Variants in DMD observed in about 807,000 individuals in gnomAD.
The protein encoded by DMD is mutant dystrophin.
DMD carries 63 observed loss-of-function variants against 330.1 expected under a neutral mutation model. The ratio of observed to expected loss-of-function variants is 0.19; its 90% CI spans 0.16 to 0.24. The LOEUF is 0.24. DMD is among the 10% of genes least tolerant of loss of function. DMD has a pLI of 1.00. For missense variants in DMD, 3,344 were observed against 2,684.1 expected (o/e 1.25, Z -5.43); for synonymous variants, 1,223 against 959.8 (o/e 1.27, Z -5.07).
At chrX:31,483,341 C>G (rs762102980) in intron 57 of DMD, among the ~76,000 whole-genome samples, 1 of 111,539 alleles carries the variant, frequency 9.0e-6, no homozygotes, top group Non-Finnish European at 1.9e-5. Context: ...CCACCACGCC[C>G]GGCCGGAAAT....
chrX:32,722,673 C>T (rs1416371517), intron 7 of DMD, among the ~76,000 whole-genome samples: 2 of 110,890 alleles, frequency 1.8e-5, no homozygotes, highest in Admixed American at 1.9e-4. Flanking sequence ...TCACTTTCTT[C>T]TTTAAATTGG....
intron 37 of DMD, among the ~76,000 whole-genome samples, chrX:32,361,456 G>GGA (rs1172845098): frequency 9.0e-6 from 1 of 111,336 alleles, no homozygotes; most frequent in Admixed American, 9.6e-5. Context: ...CTCTATGTAT[G>GGA]GAGAGAGAGA....
In DMD at chrX:32,508,841, C is replaced by G. The variant is rs954655285; in HGVS notation, c.2293-6999G>C. Among the ~76,000 whole-genome samples the G allele has an allele frequency of 1.9e-4, 21 of 109,906 alleles. No homozygotes were observed. In the Admixed American group the frequency reaches 2.0e-3, roughly 11 times the overall value. ...TTTTTTTCTTTTTGAGACGGAGTCTCGCTCTGTCGCCCAGGCTGGAGTGCA... is the reference window on the plus strand; with the variant it reads ...TTTTTTTCTTTTTGAGACGGAGTCTGGCTCTGTCGCCCAGGCTGGAGTGCA... On this transcript the variant is annotated intron_variant, in intron 18 of 78. Transcript: ENST00000357033.
At chrX:33,116,609 A>G (rs1603303320) in intron 1 of DMD, among the ~76,000 whole-genome samples, 2 of 112,148 alleles carry the variant, frequency 1.8e-5, no homozygotes, top group Middle Eastern at 9.2e-3. Context: ...TCCACAGGAA[A>G]TAATTAGCAA....
At chrX:32,131,945 A>G (rs2096697427) in intron 44 of DMD, among the ~76,000 whole-genome samples, 1 of 111,687 alleles carries the variant, frequency 9.0e-6, no homozygotes, top group Admixed American at 9.5e-5. Context: ...CATATCTGTC[A>G]TATCAACCTC....
intron 2 of DMD, among the ~76,000 whole-genome samples, chrX:32,891,201 C>T (rs2085166279): frequency 8.9e-6 from 1 of 111,903 alleles, no homozygotes; most frequent in South Asian, 3.8e-4. Context: ...GTTACTTCTT[C>T]CACATCTGAG....
chrX:32,432,250 G>A lies in DMD; in HGVS notation c.4071+5991C>T, dbSNP rs912344432. Among the ~76,000 whole-genome samples the A allele has an allele frequency of 9.9e-5, 11 of 111,442 alleles. No homozygotes were observed. In the South Asian group the frequency reaches 2.3e-3, roughly 23 times the overall value. Reference sequence around the variant, plus strand: ...AACCCCAGTTTTATGTGGAATCTGTGTTTAGCTCCACCATTTTCGTGAGCC... The same window carrying A: ...AACCCCAGTTTTATGTGGAATCTGTATTTAGCTCCACCATTTTCGTGAGCC... On this transcript the variant is annotated intron_variant, in intron 29 of 78. Transcript: ENST00000357033.
At chrX:32,591,113 C>T (rs190942921) in intron 13 of DMD, among the ~76,000 whole-genome samples, 2 of 109,283 alleles carry the variant, frequency 1.8e-5, no homozygotes, top group East Asian at 2.9e-4. Context: ...CTCTCCCCAG[C>T]CTTCCAAAGT....
chrX:32,423,771 C>T (rs112035849), intron 29 of DMD, among the ~76,000 whole-genome samples: 1,935 of 110,284 alleles, frequency 0.018, 22 homozygotes, highest in Non-Finnish European at 0.029. Flanking sequence ...TTTGTGAAGG[C>T]TATGTACTCT....
intron 34 of DMD, among the ~76,000 whole-genome samples, chrX:32,368,437 C>G (rs1353347224): frequency 9.0e-6 from 1 of 111,436 alleles, no homozygotes; most frequent in Non-Finnish European, 1.9e-5. Context: ...TGACTAAAGA[C>G]AAAGTACGAA....
chrX:32,944,832 C>G (rs2090685786), intron 2 of DMD, among the ~76,000 whole-genome samples: 1 of 110,635 alleles, frequency 9.0e-6, no homozygotes, highest in Admixed American at 9.6e-5. Context: ...TCTCGAACTC[C>G]TGACCTCAGG....
chrX:32,578,822 A>T (rs1253385607), intron 13 of DMD, among the ~76,000 whole-genome samples: 1 of 111,636 alleles, frequency 9.0e-6, no homozygotes, highest in African/African-American at 3.3e-5. Flanking sequence ...ACAATGCATC[A>T]GCAACGGGGC....
At chrX:32,651,386 G>A (rs900521346) in intron 9 of DMD, among the ~76,000 whole-genome samples, 7 of 111,181 alleles carry the variant, frequency 6.3e-5, no homozygotes, top group Non-Finnish European at 1.3e-4. Context: ...CAGGTCATCC[G>A]CCCACCTCAG....
intron 29 of DMD, among the ~76,000 whole-genome samples, chrX:32,421,663 C>T (rs1389644818): frequency 8.9e-6 from 1 of 111,913 alleles, no homozygotes; most frequent in Non-Finnish European, 1.9e-5. Flanking sequence ...TGGTTCCAAA[C>T]TTCCTCTCTT....
chrX:32,418,883 G>A (rs1189758654), intron 29 of DMD, among the ~76,000 whole-genome samples: 1 of 101,042 alleles, frequency 9.9e-6, no homozygotes, highest in South Asian at 5.0e-4. Flanking sequence ...TGAGGCAGGA[G>A]AATGGTGTGA....
At chrX:32,810,423 C>G (rs1289979487) in intron 6 of DMD, among the ~76,000 whole-genome samples, 1 of 111,384 alleles carries the variant, frequency 9.0e-6, no homozygotes, top group Non-Finnish European at 1.9e-5. Flanking sequence ...GTGTCCTGAA[C>G]TGAGCTTCTG....
At chrX:32,406,346 T>A (rs1469542405) in intron 30 of DMD, among the ~76,000 whole-genome samples, 2 of 111,397 alleles carry the variant, frequency 1.8e-5, no homozygotes, top group Non-Finnish European at 3.8e-5. Flanking sequence ...TCAAAGGGAA[T>A]GCTTCCAGTT....
chrX:33,286,025 G>A (rs1385041969), intron 1 of DMD, among the ~76,000 whole-genome samples: 1 of 111,758 alleles, frequency 8.9e-6, no homozygotes. Context: ...GACTACTTGA[G>A]ATACCAAAAT....
At chrX:32,508,958 C>T (rs767640430) in intron 18 of DMD, among the ~76,000 whole-genome samples, 1 of 109,750 alleles carries the variant, frequency 9.1e-6, no homozygotes, top group South Asian at 4.0e-4. Context: ...CTACAGGCGC[C>T]CGCAACCATG....
Sources: gnomAD v4.1 joint callset for allele counts (sites outside exome capture counted in the v4.1 genomes callset) on GRCh38, gnomAD v4.1.1 for gene constraint, MANE v1.5 for transcripts, NCBI Gene and HGNC (gene_info 2026-07-23, HGNC 2026-07-21) for gene names.